The following CALD1 variants were observed in gnomAD, a reference collection of about 807,000 sequenced individuals.
CALD1 encodes caldesmon.
CALD1 carries 33 observed loss-of-function variants against 99.9 expected under a neutral mutation model. The ratio of observed to expected loss-of-function variants is 0.33; its 90% CI spans 0.25 to 0.44. CALD1 has a LOEUF of 0.44. CALD1 is among the 20% of genes least tolerant of loss of function. The probability of loss-of-function intolerance (pLI) is 1.00; values close to 1 mark genes in which losing one functional copy is unlikely to be tolerated. For missense variants in CALD1, 861 were observed against 962.1 expected (o/e 0.89, Z 1.39); for synonymous variants, 310 against 325.0 (o/e 0.95, Z 0.50).
chr7:134,943,986 G>A (rs879396040), intron 7 of CALD1, among the ~76,000 whole-genome samples: 1 of 152,184 alleles, frequency 6.6e-6, no homozygotes, highest in Non-Finnish European at 1.5e-5. Context: ...TGAAGACTGA[G>A]TGACACCTAG....
chr7:134,829,269 G>C (rs1206008897), intron 1 of CALD1, among the ~76,000 whole-genome samples: 1 of 152,210 alleles, frequency 6.6e-6, no homozygotes, highest in Non-Finnish European at 1.5e-5. Flanking sequence ...AGAGAATGAC[G>C]TGGAAGTAAC....
At chr7:134,920,766 T>C (rs1175349199) in intron 3 of CALD1, 1 of 927,750 alleles carries the variant, frequency 1.1e-6, no homozygotes, top group Admixed American at 2.3e-5. Context: ...ATAGCATTCA[T>C]TCTGTCAGAT....
At chr7:134,920,701 G>A (rs1305498992) in intron 3 of CALD1, 12 of 1,287,458 alleles carry the variant, frequency 9.3e-6, no homozygotes, top group East Asian at 5.6e-5. Context: ...CTTGGGGACC[G>A]GTCAACTGTC....
intron 1 of CALD1, among the ~76,000 whole-genome samples, chr7:134,785,473 T>C (rs1057435626): frequency 6.6e-6 from 1 of 152,202 alleles, no homozygotes; most frequent in Non-Finnish European, 1.5e-5. Context: ...TAAACCACAG[T>C]ACATAATAAG....
chr7:134,810,047 A>C lies in CALD1; in HGVS notation c.-130+30298A>C, dbSNP rs1297963524. Among the ~76,000 whole-genome samples the C allele has an allele frequency of 1.3e-5, 2 of 152,196 alleles. 1 individual carries two copies. The highest frequency in any genetic ancestry group is 2.9e-5 in the Non-Finnish European group (2 of 68,032). On this transcript the variant is annotated intron_variant, in intron 1 of 14. Coordinates refer to ENST00000361675, the MANE Select transcript of CALD1 (RefSeq NM_033138.4). ...ACAGAAATAGTAAGGTCACCAAAAC[A>C]CTTTGTAGATATTGAATTTTTATAA...
chr7:134,914,681 G>A (rs1007848765), intron 3 of CALD1, among the ~76,000 whole-genome samples: 10 of 152,218 alleles, frequency 6.6e-5, no homozygotes, highest in South Asian at 2.1e-4. Flanking sequence ...CATATTTCCC[G>A]ATTCTGCAAC....
Position 134,887,802 on chromosome 7 carries a change from G to A in CALD1, c.71+19998G>A, listed in dbSNP as rs1801944880. Among the ~76,000 whole-genome samples the A allele has an allele frequency of 5.6e-5, 8 of 141,966 alleles. No homozygotes were observed. In the South Asian group the frequency reaches 1.7e-3, roughly 31 times the overall value. The allele number at this position is 141,966 out of a possible 152,430, so 93.1% of individuals were successfully genotyped here. A position where few individuals can be genotyped will look rare whatever the true frequency, so the allele number is the denominator to read the frequency against. On this transcript the variant is annotated intron_variant, in intron 3 of 14. Transcript: ENST00000361675. ...TGTGTGCATGTGTATGTGTGCGCATGTGTATGTGTGTGCATGTGTGCATAT... is the reference window on the plus strand; with the variant it reads ...TGTGTGCATGTGTATGTGTGCGCATATGTATGTGTGTGCATGTGTGCATAT...
chr7:134,919,569 T>C (rs1305482082), intron 3 of CALD1, among the ~76,000 whole-genome samples: 1 of 152,230 alleles, frequency 6.6e-6, no homozygotes, highest in East Asian at 1.9e-4. Flanking sequence ...TGTTTTATTA[T>C]TGAGAGCCCA....
Position 134,811,864 on chromosome 7 carries a change from G to A in CALD1, c.-129-32020G>A, listed in dbSNP as rs140313282. Among the ~76,000 whole-genome samples, 206 of 152,230 alleles carry A rather than the reference G, an allele frequency of 1.4e-3. 1 individual carries two copies. The highest frequency in any genetic ancestry group is 4.5e-3 in the African/African-American group (186 of 41,518). ...TTGAAAGGGTCAAAACATTAAGAAT[G>A]TGACATCCAAAATATGTGCTATTTT... On this transcript the variant is annotated intron_variant, in intron 1 of 14. Coordinates refer to ENST00000361675, the MANE Select transcript of CALD1 (RefSeq NM_033138.4).
chr7:134,891,342 A>G, intron 3 of CALD1: 1 of 1,191,928 alleles, frequency 8.4e-7, no homozygotes, highest in Non-Finnish European at 1.0e-6. Flanking sequence ...ATGGGCTTCT[A>G]TTAGAGAGAT....
intron 3 of CALD1, among the ~76,000 whole-genome samples, chr7:134,904,860 A>G (rs1333542959): frequency 6.6e-6 from 1 of 152,132 alleles, no homozygotes; most frequent in Admixed American, 6.5e-5. Context: ...CTTTTCTGGC[A>G]TGGGAAGATA....
chr7:134,890,024 G>A (rs561883425), intron 3 of CALD1, among the ~76,000 whole-genome samples: 3 of 151,834 alleles, frequency 2.0e-5, no homozygotes, highest in East Asian at 1.9e-4. Context: ...TTCTCCTGCC[G>A]CAGCCTCCCA....
chr7:134,912,570 CT>C (rs1256016073), intron 3 of CALD1, among the ~76,000 whole-genome samples: 2 of 152,176 alleles, frequency 1.3e-5, no homozygotes, highest in Non-Finnish European at 2.9e-5. Flanking sequence ...AATCTCACTG[CT>C]TTTCAGAAGT....
upstream of CALD1, among the ~76,000 whole-genome samples, chr7:134,743,947 A>G (rs1373933516): frequency 6.6e-6 from 1 of 152,198 alleles, no homozygotes; most frequent in African/African-American, 2.4e-5. Flanking sequence ...TCCCCACTGA[A>G]GTCTTCTGAT....
rs1447850147 is a variant in CALD1 at position 134,783,044 on chromosome 7, T to G, written c.-130+3295T>G. ...GAGCATAAGACCAGTGAGAAAGTGC[T>G]GACAACAGAAAGCCCTTAAGTAATT... On this transcript the variant is annotated intron_variant, in intron 1 of 14. Transcript: ENST00000361675. The surrounding 1 kb of genome is among the most constrained non-coding windows in gnomAD (Gnocchi z 4.3). 6.6e-6 allele frequency among the ~76,000 whole-genome samples: 1 copy of G among 152,154 alleles called. No individual in the cohort carries two copies. The highest frequency in any genetic ancestry group is 1.5e-5 in the Non-Finnish European group (1 of 68,012).
chr7:134,839,449 A>G (rs539198195), intron 1 of CALD1, among the ~76,000 whole-genome samples: 19 of 152,230 alleles, frequency 1.2e-4, no homozygotes, highest in Non-Finnish European at 2.6e-4. Context: ...TCTGGGTCAC[A>G]GGGTATACAA....
At chr7:134,900,491 T>C (rs769987254) in intron 3 of CALD1, among the ~76,000 whole-genome samples, 85 of 152,212 alleles carry the variant, frequency 5.6e-4, no homozygotes, top group Middle Eastern at 3.4e-3. Context: ...CTTTCTGGGG[T>C]GTAGCTGCGC....
At chr7:134,923,257 A>G (rs1804748854) in intron 3 of CALD1, among the ~76,000 whole-genome samples, 1 of 152,240 alleles carries the variant, frequency 6.6e-6, no homozygotes, top group Admixed American at 6.5e-5. Context: ...CCCTCTTCCA[A>G]CCAGCATAGG....
upstream of CALD1, chr7:134,779,344 A>G: frequency 4.0e-6 from 1 of 248,272 alleles, no homozygotes; most frequent in Non-Finnish European, 7.6e-6. Context: ...TAACCAAAAA[A>G]GGGCATGGAG....
Sources: allele counts gnomAD v4.1 joint callset (sites outside exome capture counted in the v4.1 genomes callset), GRCh38; gene constraint gnomAD v4.1.1; non-coding constraint Gnocchi (gnomAD v3.1); transcripts MANE v1.5; gene names NCBI Gene and HGNC (gene_info 2026-07-23, HGNC 2026-07-21).